The following FLI1 variants were observed in gnomAD, a reference collection of about 807,000 sequenced individuals.
FLI1 encodes the protein Friend leukemia integration 1 transcription factor.
FLI1 carries 13 observed loss-of-function variants against 53.1 expected under a neutral mutation model. The ratio of observed to expected loss-of-function variants is 0.24; its 90% CI spans 0.16 to 0.39. The LOEUF (loss-of-function observed/expected upper bound fraction) is 0.39, where lower values mean the gene tolerates loss of function less well. Ranked by LOEUF, FLI1 falls within the 10% of genes least tolerant of loss-of-function variation. FLI1 has a pLI of 1.00. For missense variants in FLI1, 424 were observed against 600.5 expected, an observed-to-expected ratio of 0.71 and a Z score of 3.07; for synonymous variants, 244 against 236.7, an observed-to-expected ratio of 1.03 and a Z score of -0.28.
At chr11:128,807,377 C>G (rs1942811464) in intron 7 of FLI1, 138 bp downstream of exon 7, 2 of 497,604 alleles carry the variant, frequency 4.0e-6, no homozygotes, top group Non-Finnish European at 7.0e-6. Context: ...ATCTTTGACC[C>G]TAATAGTCCT....
At chr11:128,703,759 C>T (rs1938433437) in intron 1 of FLI1, among the ~76,000 whole-genome samples, 1 of 138,876 alleles carries the variant, frequency 7.2e-6, no homozygotes, top group Non-Finnish European at 1.5e-5. Flanking sequence ...AGGAGAATCG[C>T]TTGAACCCAG....
At chr11:128,695,831 T>C (rs940122142) in intron 1 of FLI1, 4 of 152,174 alleles carry the variant, frequency 2.6e-5, no homozygotes, top group African/African-American at 9.7e-5. Context: ...TTCATGCAAG[T>C]GTCTCTGTAT....
rs1391945330 is a variant in FLI1 at position 128,811,993 on chromosome 11, A to G, written c.*1005A>G. 1.5e-5 allele frequency: 3 copies of G among 203,570 alleles called. No homozygotes were observed. Among genetic ancestry groups the G allele is most frequent in the African/African-American group, 6.9e-5 (3 of 43,594 alleles). The allele number at this position is 203,570 out of a possible 1,614,324, so 12.6% of individuals were successfully genotyped here. A position where few individuals can be genotyped will look rare whatever the true frequency, so the allele number is the denominator to read the frequency against. On this transcript the variant is annotated 3_prime_UTR_variant, in exon 9 of 9. Transcript: ENST00000527786. ...AATGTAATTTGTACATCTTTTTTCA[A>G]TCTGTACATTTGGGCTGTCTGTATG...
intron 1 of FLI1, among the ~76,000 whole-genome samples, chr11:128,740,956 C>A (rs557293048): frequency 1.3e-5 from 2 of 152,114 alleles, no homozygotes; most frequent in African/African-American, 4.8e-5. Context: ...CTCATGCCAA[C>A]GTTGTTGTTA....
intron 1 of FLI1, among the ~76,000 whole-genome samples, chr11:128,720,038 G>C (rs1565465187): frequency 6.6e-6 from 1 of 152,124 alleles, no homozygotes; most frequent in Admixed American, 6.5e-5. Flanking sequence ...TTCAAAATAA[G>C]AATGTAAAAG....
chr11:128,689,857 C>G (rs11221433), upstream of FLI1, among the ~76,000 whole-genome samples: 26,391 of 152,104 alleles, frequency 0.17, 2,914 homozygotes, highest in Non-Finnish European at 0.25. Context: ...CCAACCCGCC[C>G]GCCCCCGGCC....
At chr11:128,730,312 G>A (rs1425456617) in intron 1 of FLI1, among the ~76,000 whole-genome samples, 2 of 152,208 alleles carry the variant, frequency 1.3e-5, no homozygotes, top group African/African-American at 4.8e-5. Context: ...CCCAGACTGC[G>A]GGTGTAGGCC....
chr11:128,783,642 A>G (rs1211228887), intron 5 of FLI1, among the ~76,000 whole-genome samples: 3 of 152,206 alleles, frequency 2.0e-5, no homozygotes, highest in Non-Finnish European at 4.4e-5. Context: ...CAAACGCATT[A>G]GATTGAAGGT....
At chr11:128,728,398 G>A (rs548958651) in intron 1 of FLI1, among the ~76,000 whole-genome samples, 130 of 152,404 alleles carry the variant, frequency 8.5e-4, no homozygotes, top group African/African-American at 2.7e-3. Flanking sequence ...AGGGTGCTGC[G>A]GCAGAGGCCG....
At chr11:128,804,593 C>G (rs563234199) in intron 5 of FLI1, 43 of 152,412 alleles carry the variant, frequency 2.8e-4, no homozygotes, top group African/African-American at 9.6e-4. Flanking sequence ...GGGAGCAGGT[C>G]TCCAACCTCT....
chr11:128,760,127 C>T (rs547449829), intron 2 of FLI1, among the ~76,000 whole-genome samples: 11 of 152,270 alleles, frequency 7.2e-5, no homozygotes, highest in Admixed American at 1.3e-4. Context: ...CTGATGGTGC[C>T]GGAGCTCCTA....
At chr11:128,799,057 G>C in intron 5 of FLI1, among the ~76,000 whole-genome samples, 1 of 85,560 alleles carries the variant, frequency 1.2e-5, no homozygotes, top group East Asian at 3.1e-4. Flanking sequence ...TTATTATTTT[G>C]CTTTGGAGAC....
At chr11:128,763,696 C>G (rs1941215966) in intron 2 of FLI1, among the ~76,000 whole-genome samples, 1 of 152,174 alleles carries the variant, frequency 6.6e-6, no homozygotes, top group Admixed American at 6.5e-5. Context: ...AGGCCCCTTT[C>G]TAAACTCTTG....
At chr11:128,807,955 T>G (rs1205415945) in intron 7 of FLI1, among the ~76,000 whole-genome samples, 1 of 152,174 alleles carries the variant, frequency 6.6e-6, no homozygotes, top group Non-Finnish European at 1.5e-5. Flanking sequence ...TATCTTCTTA[T>G]GTGATGCAGC....
chr11:128,699,520 C>T (rs7926106), intron 1 of FLI1, among the ~76,000 whole-genome samples: 7,543 of 152,218 alleles, frequency 0.05, 372 homozygotes, highest in East Asian at 0.28. Context: ...GCCACAATAG[C>T]TTTTTTCGTA....
chr11:128,778,265 C>T (rs991156913), intron 4 of FLI1, among the ~76,000 whole-genome samples: 7 of 152,122 alleles, frequency 4.6e-5, no homozygotes, highest in Non-Finnish European at 1.0e-4. Context: ...ATGAAGTGCG[C>T]TACGTGAGAC....
At chr11:128,760,586 G>A (rs972711129) in intron 2 of FLI1, among the ~76,000 whole-genome samples, 4 of 143,110 alleles carry the variant, frequency 2.8e-5, no homozygotes, top group African/African-American at 1.1e-4. Flanking sequence ...GGAGTGCAGT[G>A]GTACAGTCTT....
intron 1 of FLI1, among the ~76,000 whole-genome samples, chr11:128,698,917 C>G (rs575964174): frequency 6.6e-6 from 1 of 152,064 alleles, no homozygotes; most frequent in Admixed American, 6.6e-5. Context: ...TTTTATACAA[C>G]TGTTTTCCAA....
chr11:128,771,936 T>C (rs1239664693), intron 3 of FLI1, among the ~76,000 whole-genome samples: 1 of 152,070 alleles, frequency 6.6e-6, no homozygotes, highest in African/African-American at 2.4e-5. Context: ...AGTGAAGAGA[T>C]GGGCTTCAGA....
Sources: allele counts gnomAD v4.1 joint callset (sites outside exome capture counted in the v4.1 genomes callset), GRCh38; gene constraint gnomAD v4.1.1; transcripts MANE v1.5; gene names NCBI Gene and HGNC (gene_info 2026-07-23, HGNC 2026-07-21).